The following DZIP3 variants were observed in gnomAD, a reference collection of about 807,000 sequenced individuals.
The protein encoded by DZIP3 is DAZ interacting zinc finger protein 3.
Under a neutral mutation model 162.0 loss-of-function variants are expected in DZIP3, and 118 were observed. The observed-to-expected ratio is 0.73, with a 90% CI of 0.63 to 0.85. DZIP3 has a LOEUF of 0.85. Among genes scored for constraint, DZIP3 ranks in the 40% least tolerant of loss-of-function variants. DZIP3 has a pLI of 0.00. For synonymous variants in DZIP3, 438 were observed against 458.6 expected, an observed-to-expected ratio of 0.96 and a Z score of 0.57; for missense variants, 1,331 against 1,407.0, an observed-to-expected ratio of 0.95 and a Z score of 0.86.
At chr3:108,625,725 C>T in intron 6 of DZIP3, 120 bp from the exon 7 acceptor site, 1 of 957,146 alleles carries the variant, frequency 1.0e-6, no homozygotes, top group Non-Finnish European at 1.5e-6. Context: ...AATAAATGAC[C>T]AGATGATTGT....
rs75916188 is a variant in DZIP3, at chr3:108,600,971, C to T, written c.-72-4364C>T. Among the ~76,000 whole-genome samples the T allele has an allele frequency of 6.9e-3, 1,054 of 152,256 alleles. 5 individuals are homozygous for T. Among genetic ancestry groups the T allele is most frequent in the African/African-American group, 0.024 (986 of 41,550 alleles). ...TCTGTGCTTCAGCTTCCTTATCTAA[C>T]GAAGAAACTCAAATAATTTTGACAT... On this transcript the variant is annotated intron_variant, in intron 1 of 32. Coordinates refer to ENST00000361582, the MANE Select transcript of DZIP3 (RefSeq NM_014648.4).
At chr3:108,593,880 G>A (rs1466664848) in intron 1 of DZIP3, among the ~76,000 whole-genome samples, 2 of 151,786 alleles carry the variant, frequency 1.3e-5, no homozygotes, top group Non-Finnish European at 2.9e-5. Context: ...GCGCACGCTG[G>A]TCTCGAACTC....
intron 2 of DZIP3, 39 bp downstream of exon 2, chr3:108,605,477 T>G (rs1239437920): frequency 6.2e-7 from 1 of 1,602,496 alleles, no homozygotes. Context: ...CACCATGGAC[T>G]GGTTTCGTGG....
chr3:108,599,928 A>T (rs1286201196), intron 1 of DZIP3, among the ~76,000 whole-genome samples: 1 of 152,224 alleles, frequency 6.6e-6, no homozygotes, highest in Non-Finnish European at 1.5e-5. Context: ...ACTTTACTAT[A>T]GCAGCCCCAA....
At chr3:108,674,051 C>T (rs1229264993) in intron 23 of DZIP3, 27 bp from the exon 24 acceptor site, 1 of 1,540,588 alleles carries the variant, frequency 6.5e-7, no homozygotes, top group African/African-American at 1.4e-5. Context: ...CCTTCAACTT[C>T]TTTCTCTTTC....
In DZIP3 at chr3:108,632,491, C is replaced by T. The variant is rs543291923; in HGVS notation, c.697-462C>T. ...CATATTTCTCTACTGTACTTTTGCCCATTATAGCAGTGAATGGCATATTGC... is the reference window on the plus strand; with the variant it reads ...CATATTTCTCTACTGTACTTTTGCCTATTATAGCAGTGAATGGCATATTGC... On this transcript the variant is annotated intron_variant, in intron 8 of 32. Coordinates refer to ENST00000361582, the MANE Select transcript of DZIP3 (RefSeq NM_014648.4). Among the ~76,000 whole-genome samples the T allele has an allele frequency of 2.0e-5, 3 of 152,310 alleles. No individual in the cohort carries two copies. The South Asian group carries it at 6.2e-4, about 32-fold the overall frequency.
chr3:108,663,810 A>G (rs1287530590), intron 21 of DZIP3, among the ~76,000 whole-genome samples: 2 of 152,282 alleles, frequency 1.3e-5, no homozygotes, highest in Non-Finnish European at 2.9e-5. Flanking sequence ...CAAAATGAAC[A>G]TTTCGTGTTG....
At position 108,675,656 on chromosome 3, in the gene DZIP3, G is replaced by A. The variant is rs1405354089; in HGVS notation, c.2694-130G>A. The A allele has an allele frequency of 5.4e-5, 32 of 590,512 alleles. 1 individual carries two copies. The South Asian group carries it at 7.1e-4, about 13-fold the overall frequency. The allele number at this position is 590,512 out of a possible 1,614,324, so 36.6% of individuals were successfully genotyped here. A position where few individuals can be genotyped will look rare whatever the true frequency, so the allele number is the denominator to read the frequency against. ...CCATACCTCTTTATGTCCATTTGAAGTAATTGTTGGTGATGGGGGTAATTT... is the reference window on the plus strand; with the variant it reads ...CCATACCTCTTTATGTCCATTTGAAATAATTGTTGGTGATGGGGGTAATTT... On this transcript the variant is annotated intron_variant, in intron 24 of 32. Coordinates refer to ENST00000361582, the MANE Select transcript of DZIP3 (RefSeq NM_014648.4).
intron 4 of DZIP3, among the ~76,000 whole-genome samples, chr3:108,613,228 C>T (rs928809152): frequency 2.6e-5 from 4 of 152,062 alleles, no homozygotes; most frequent in African/African-American, 4.8e-5. Context: ...CCACAAATAT[C>T]GCATGATTCC....
At chr3:108,679,397 A>C (rs1228072408) in intron 26 of DZIP3, among the ~76,000 whole-genome samples, 2 of 152,066 alleles carry the variant, frequency 1.3e-5, no homozygotes, top group African/African-American at 4.8e-5. Flanking sequence ...ACCCGGGTTT[A>C]GTTAAGTACA....
chr3:108,608,033 A>G, intron 2 of DZIP3, 56 bp from the exon 3 acceptor site: 1 of 1,415,806 alleles, frequency 7.1e-7, no homozygotes, highest in South Asian at 1.2e-5. Context: ...TACTACTACA[A>G]TTTGTGTTCT....
chr3:108,591,347 C>G (rs1939403943), intron 1 of DZIP3, among the ~76,000 whole-genome samples: 1 of 152,226 alleles, frequency 6.6e-6, no homozygotes. Context: ...CTCAGTGTTA[C>G]AGTCAGTGCC....
At chr3:108,657,805 C>A (rs1355204742) in intron 19 of DZIP3, among the ~76,000 whole-genome samples, 4 of 151,976 alleles carry the variant, frequency 2.6e-5, no homozygotes, top group African/African-American at 9.7e-5. Flanking sequence ...ATCTACCAAG[C>A]AAATGGAAAA....
intron 8 of DZIP3, among the ~76,000 whole-genome samples, chr3:108,631,055 A>ACACACACT: frequency 5.0e-4 from 9 of 18,012 alleles, no homozygotes; most frequent in Admixed American, 1.7e-3. Flanking sequence ...ACACACACAC[A>ACACACACT]CTCTCTCTCT....
At chr3:108,627,131 C>G (rs989697459) in intron 7 of DZIP3, among the ~76,000 whole-genome samples, 3 of 152,184 alleles carry the variant, frequency 2.0e-5, no homozygotes, top group African/African-American at 7.2e-5. Flanking sequence ...CAAAATGATC[C>G]AAATCCCTTC....
chr3:108,619,871 AG>A (rs1344121094), intron 5 of DZIP3, among the ~76,000 whole-genome samples: 2 of 151,794 alleles, frequency 1.3e-5, no homozygotes. Flanking sequence ...TTCCCTAAAT[AG>A]TTACATAATT....
chr3:108,631,058 C>CACA (rs1941856797), intron 8 of DZIP3, among the ~76,000 whole-genome samples: 2 of 131,578 alleles, frequency 1.5e-5, no homozygotes, highest in South Asian at 2.8e-4. Flanking sequence ...CACACACACT[C>CACA]TCTCTCTCTC....
chr3:108,655,141 G>C (rs1040524453), intron 19 of DZIP3, among the ~76,000 whole-genome samples: 6 of 152,056 alleles, frequency 3.9e-5, no homozygotes, highest in African/African-American at 1.4e-4. Flanking sequence ...GAGACTATGG[G>C]AACTCAAAGA....
chr3:108,622,868 C>CTT, intron 5 of DZIP3, among the ~76,000 whole-genome samples: 1 of 124,522 alleles, frequency 8.0e-6, no homozygotes, highest in African/African-American at 3.2e-5. Context: ...CTCTCTCTCT[C>CTT]TCTCTCTCTC....
Sources: gnomAD v4.1 joint callset for allele counts (sites outside exome capture counted in the v4.1 genomes callset) on GRCh38, gnomAD v4.1.1 for gene constraint, MANE v1.5 for transcripts, NCBI Gene and HGNC (gene_info 2026-07-23, HGNC 2026-07-21) for gene names.